The following ZNF516 variants were observed in gnomAD, a reference collection of about 807,000 sequenced individuals.
ZNF516 encodes zinc finger protein 516.
In ZNF516, 19 loss-of-function variants were observed where a neutral mutation model predicts 79.7. The ratio of observed to expected loss-of-function variants is 0.24; its 90% CI spans 0.17 to 0.35. The LOEUF (loss-of-function observed/expected upper bound fraction) is 0.35. ZNF516 is among the 10% of genes least tolerant of loss of function. The pLI is 1.00. For synonymous variants in ZNF516, 877 were observed against 739.5 expected (o/e 1.19, Z -3.02); for missense variants, 1,678 against 1,679.5 (o/e 1.00, Z 0.02).
chr18:76,383,096 C>T (rs934121398), intron 3 of ZNF516, among the ~76,000 whole-genome samples: 1 of 150,626 alleles, frequency 6.6e-6, no homozygotes, highest in Non-Finnish European at 1.5e-5. Flanking sequence ...TGTCACCGGT[C>T]GAGAGTGAAC....
chr18:76,379,981 G>T lies in ZNF516; in HGVS notation c.2133C>A (p.Ser711=). The T allele has an allele frequency of 6.2e-7, 1 of 1,613,936 alleles. No individual in the cohort carries two copies. The highest frequency in any genetic ancestry group is 2.2e-5 in the East Asian group (1 of 44,870). Reference sequence around the variant, plus strand: ...CAGAGTGTTCCTTGTTGTGCAAATCGGACAGCTTTTCTGCAGGGTGACCCG... The same window carrying T: ...CAGAGTGTTCCTTGTTGTGCAAATCTGACAGCTTTTCTGCAGGGTGACCCG... ...GQTGHPAEKL[S]DLHNKEHSGG... The change falls in exon 4 of 7, where the codon TCC becomes TCA. Residue 711 remains serine, a synonymous_variant. Transcript: ENST00000443185.
rs1172326112 is a variant in ZNF516, at chr18:76,451,234, G to A, written c.-157-8023C>T. On this transcript the variant is annotated intron_variant, in intron 2 of 6. Transcript: ENST00000443185. The surrounding 1 kb of genome is among the most constrained non-coding windows in gnomAD (Gnocchi z 6.0). ...CATGAATTAACCTTATCGCGGTCCC[G>A]AAACAGCCCTGGCTCCCCCGACGCC... Among the ~76,000 whole-genome samples the A allele has an allele frequency of 6.6e-6, 1 of 152,086 alleles. No homozygotes were observed. Among genetic ancestry groups the A allele is most frequent in the Non-Finnish European group, 1.5e-5 (1 of 68,016 alleles).
intron 2 of ZNF516, among the ~76,000 whole-genome samples, chr18:76,461,502 C>T (rs1913107195): frequency 1.3e-5 from 2 of 152,202 alleles, no homozygotes; most frequent in Admixed American, 1.3e-4. Context: ...CCCTGGATCA[C>T]CCTATTTAAT....
chr18:76,406,971 G>A (rs964334680), intron 3 of ZNF516, among the ~76,000 whole-genome samples: 4 of 152,128 alleles, frequency 2.6e-5, no homozygotes, highest in Admixed American at 6.5e-5. Context: ...TGCTAACCCG[G>A]GGCACACAGT....
intron 3 of ZNF516, among the ~76,000 whole-genome samples, chr18:76,434,926 A>G (rs2075710074): frequency 6.6e-6 from 1 of 152,258 alleles, no homozygotes; most frequent in East Asian, 1.9e-4. Flanking sequence ...CTTGGTGACT[A>G]AAAGAGAATT....
At chr18:76,433,472 G>A (rs2075689288) in intron 3 of ZNF516, among the ~76,000 whole-genome samples, 1 of 152,210 alleles carries the variant, frequency 6.6e-6, no homozygotes, top group Non-Finnish European at 1.5e-5. Context: ...ATGTGTCCAC[G>A]CAACAGGGAG....
chr18:76,424,103 G>C (rs924293650), intron 3 of ZNF516, among the ~76,000 whole-genome samples: 2 of 100,134 alleles, frequency 2.0e-5, no homozygotes, highest in Non-Finnish European at 4.0e-5. Flanking sequence ...AGGTGAAAAG[G>C]CTCCCCCGAA....
intron 3 of ZNF516, 122 bp from the exon 4 acceptor site, chr18:76,380,425 T>A: frequency 7.8e-7 from 1 of 1,282,966 alleles, no homozygotes; most frequent in South Asian, 1.6e-5. Flanking sequence ...AAGCCACCCT[T>A]GAGTCTGGGT....
In ZNF516 at chr18:76,442,737, G is replaced by A. The variant is rs777884112; in HGVS notation, c.318C>T (p.Arg106=). 3.8e-6 allele frequency: 6 copies of A among 1,583,122 alleles called. No individual in the cohort carries two copies. The highest frequency in any genetic ancestry group is 3.6e-5 in the Admixed American group (2 of 55,556). Residue 106 remains arginine (R), a synonymous_variant, in exon 3 of 7, where the codon CGC becomes CGT. Coordinates refer to ENST00000443185, the MANE Select transcript of ZNF516 (RefSeq NM_014643.4). The part of the protein sequence containing the change: ...EAGEAPLGEM[R]ASEGLDACAS... ...CGCAGGCGTCCAGGCCCTCGGAGGC[G>A]CGCATCTCACCCAGCGGCGCCTCGC...
chr18:76,418,772 G>A (rs775166851), intron 3 of ZNF516, among the ~76,000 whole-genome samples: 1 of 152,172 alleles, frequency 6.6e-6, no homozygotes, highest in Non-Finnish European at 1.5e-5. Context: ...GCAATGCAAA[G>A]CCGGGGAAAA....
At chr18:76,463,489 C>T (rs1913251926) in intron 1 of ZNF516, among the ~76,000 whole-genome samples, 1 of 152,272 alleles carries the variant, frequency 6.6e-6, no homozygotes, top group Admixed American at 6.5e-5. Context: ...CACCAGGGAA[C>T]ACCTGCTATG....
chr18:76,403,567 A>T (rs1290751457), intron 3 of ZNF516, among the ~76,000 whole-genome samples: 1 of 152,146 alleles, frequency 6.6e-6, no homozygotes, highest in East Asian at 1.9e-4. Context: ...GATACAGAGC[A>T]CCCAGCCCTG....
intron 2 of ZNF516, among the ~76,000 whole-genome samples, chr18:76,453,675 T>C (rs2145625559): frequency 6.6e-6 from 1 of 152,360 alleles, no homozygotes. Context: ...CTGTGGAAAC[T>C]GTTAACTAAT....
chr18:76,441,122 G>C (rs1229595639), intron 3 of ZNF516, 123 bp downstream of exon 3: 8 of 1,372,348 alleles, frequency 5.8e-6, no homozygotes, highest in Non-Finnish European at 7.8e-6. Context: ...AGGCCTAGCT[G>C]AGTAAAGGGC....
At chr18:76,464,345 C>G (rs1913315366) in intron 1 of ZNF516, among the ~76,000 whole-genome samples, 3 of 152,140 alleles carry the variant, frequency 2.0e-5, no homozygotes, top group Admixed American at 1.3e-4. Context: ...GCACTCCAGG[C>G]TGGGCGACAG....
chr18:76,387,784 G>A (rs1327928067), intron 3 of ZNF516: 2 of 152,230 alleles, frequency 1.3e-5, no homozygotes, highest in African/African-American at 4.8e-5. Flanking sequence ...CAGGAGACAG[G>A]GAAATACTGG....
intron 3 of ZNF516, among the ~76,000 whole-genome samples, chr18:76,409,819 T>A (rs1346485610): frequency 6.6e-6 from 1 of 152,246 alleles, no homozygotes; most frequent in Admixed American, 6.5e-5. Context: ...ATCCAGACAT[T>A]AGAGGTGGTA....
At chr18:76,458,637 ATGCCTCACCGTCG>A (rs1912883259) in intron 2 of ZNF516, among the ~76,000 whole-genome samples, 1 of 138,560 alleles carries the variant, frequency 7.2e-6, no homozygotes. Flanking sequence ...GTGCGTGTGC[ATGCCTCACCGTCG>A]TGCGTGTGCG....
At chr18:76,437,202 C>G (rs779436232) in intron 3 of ZNF516, among the ~76,000 whole-genome samples, 1 of 152,182 alleles carries the variant, frequency 6.6e-6, no homozygotes, top group Non-Finnish European at 1.5e-5. Flanking sequence ...CGCATGACTG[C>G]AGCCTGGCCT....
Sources: allele counts gnomAD v4.1 joint callset (sites outside exome capture counted in the v4.1 genomes callset), GRCh38; gene constraint gnomAD v4.1.1; non-coding constraint Gnocchi (gnomAD v3.1); transcripts MANE v1.5; gene names NCBI Gene and HGNC (gene_info 2026-07-23, HGNC 2026-07-21).